INSL6: variants seen among roughly 807,000 people sequenced by gnomAD.
The protein encoded by INSL6 is insulin like 6.
In INSL6, 16 loss-of-function variants were observed where a neutral mutation model predicts 9.4. The observed-to-expected ratio is 1.70, with a 90% CI of 1.15 to 2.59. INSL6 has a LOEUF of 2.59. INSL6 is among the 30% of genes most tolerant of loss of function. The pLI is 0.00. For synonymous variants in INSL6, 154 were observed against 96.9 expected (o/e 1.59, Z -3.46); for missense variants, 391 against 257.3 (o/e 1.52, Z -3.56).
the INSL6 span, among the ~76,000 whole-genome samples, chr9:5,000,257 G>C: frequency 6.6e-6 from 1 of 151,920 alleles, no homozygotes; most frequent in African/African-American, 2.4e-5. Context: ...GTTTAGAAAG[G>C]AGGTACATAA....
intron 3 of INSL6, among the ~76,000 whole-genome samples, chr9:5,129,781 A>G (rs1255447685): frequency 6.6e-6 from 1 of 152,182 alleles, no homozygotes; most frequent in Non-Finnish European, 1.5e-5. Context: ...GAGAGAACTG[A>G]AAAACTACAT....
intron 3 of INSL6, among the ~76,000 whole-genome samples, chr9:5,130,701 CTTTTT>C (rs780200169): frequency 5.6e-4 from 85 of 150,578 alleles, no homozygotes; most frequent in African/African-American, 1.5e-3. Flanking sequence ...TATGAATTTT[CTTTTT>C]TTTATTTTTT....
the INSL6 span, among the ~76,000 whole-genome samples, chr9:5,079,949 C>G: frequency 6.6e-6 from 1 of 152,140 alleles, no homozygotes; most frequent in Non-Finnish European, 1.5e-5. Context: ...GATTCTAATT[C>G]TGTCTCTGCT....
At chr9:5,164,755 G>T (rs1205938603) in intron 1 of INSL6, among the ~76,000 whole-genome samples, 1 of 152,112 alleles carries the variant, frequency 6.6e-6, no homozygotes, top group Non-Finnish European at 1.5e-5. Flanking sequence ...TTTGTGTCTG[G>T]TTTCTTTCAC....
At chr9:5,173,920 G>GA (rs1479816798) in intron 1 of INSL6, among the ~76,000 whole-genome samples, 4 of 152,116 alleles carry the variant, frequency 2.6e-5, no homozygotes, top group African/African-American at 9.7e-5. Flanking sequence ...GGAGAAAATT[G>GA]ATGCAATCTG....
the INSL6 span, among the ~76,000 whole-genome samples, chr9:5,106,764 C>T: frequency 2.0e-5 from 3 of 152,146 alleles, no homozygotes; most frequent in Non-Finnish European, 4.4e-5. Flanking sequence ...ATGGATGAAG[C>T]TGGAAACCAT....
chr9:5,160,349 C>T (rs954651375), downstream of INSL6, among the ~76,000 whole-genome samples: 6 of 152,022 alleles, frequency 3.9e-5, no homozygotes, highest in African/African-American at 1.2e-4. Context: ...CCTGAATGAC[C>T]AGTGGTCAAC....
chr9:5,138,416 G>T (rs750840575), intron 2 of INSL6, among the ~76,000 whole-genome samples: 6 of 152,198 alleles, frequency 3.9e-5, no homozygotes, highest in Admixed American at 6.5e-5. Flanking sequence ...ACAAGGATGA[G>T]TTCACGCCCT....
chr9:5,185,639 TG>T (rs1422165370), upstream of INSL6: 1 of 1,579,246 alleles, frequency 6.3e-7, no homozygotes, highest in Non-Finnish European at 8.6e-7. Context: ...CGTTGTGCAA[TG>T]GCGGTCGGCC....
chr9:5,134,466 G>A (rs1043252372), intron 2 of INSL6, among the ~76,000 whole-genome samples: 2 of 152,184 alleles, frequency 1.3e-5, no homozygotes, highest in African/African-American at 4.8e-5. Flanking sequence ...CCCACAAAGG[G>A]AAGCCCATCA....
the INSL6 span, among the ~76,000 whole-genome samples, chr9:5,007,504 A>G: frequency 6.6e-6 from 1 of 152,050 alleles, no homozygotes; most frequent in East Asian, 1.9e-4. Context: ...ACATTTTTCA[A>G]TGCATACGTG....
chr9:5,159,095 T>A (rs111747817), downstream of INSL6, among the ~76,000 whole-genome samples: 907 of 152,258 alleles, frequency 6.0e-3, 14 homozygotes, highest in African/African-American at 0.021. Context: ...TTATAAGATA[T>A]TATTTGCAAG....
downstream of INSL6, among the ~76,000 whole-genome samples, chr9:5,123,347 C>G (rs1181119240): frequency 1.3e-5 from 2 of 151,934 alleles, no homozygotes; most frequent in African/African-American, 2.4e-5. Context: ...GTCTATCATT[C>G]CACATTCTAC....
chr9:5,054,902 G>T, the INSL6 span: 1 of 1,499,778 alleles, frequency 6.7e-7, no homozygotes, highest in African/African-American at 1.4e-5. The surrounding 1 kb of genome is among the most constrained non-coding windows in gnomAD (Gnocchi z 4.9). Context: ...TTAATGATAT[G>T]TTCTTGTTCT....
rs201095179 is a variant in INSL6, at chr9:5,144,713, T to TTTA, written c.377-11124_377-11122dup. Reference sequence around the variant, plus strand: ...TCCATTTTCTTGTTGAATTGAACCCTTTACCATTATGTAATACCCCTGTCT... The same window carrying TTTA: ...TCCATTTTCTTGTTGAATTGAACCCTTTATTACCATTATGTAATACCCCTGTCT... On this transcript the variant is annotated intron_variant, in intron 2 of 3. Transcript: ENST00000649639. Among the ~76,000 whole-genome samples, 1,075 of 152,358 alleles carry TTTA rather than the reference T, an allele frequency of 7.1e-3. 23 individuals are homozygous for TTTA. The highest frequency in any genetic ancestry group is 0.025 in the African/African-American group (1,028 of 41,586).
intron 2 of INSL6, among the ~76,000 whole-genome samples, chr9:5,158,062 T>C (rs1463289154): frequency 3.3e-5 from 5 of 152,264 alleles, no homozygotes; most frequent in Non-Finnish European, 4.4e-5. Context: ...ATACTGAAGA[T>C]TGCATCAGTC....
chr9:5,162,744 G>C (rs1401425933), downstream of INSL6, among the ~76,000 whole-genome samples: 1 of 152,160 alleles, frequency 6.6e-6, no homozygotes, highest in East Asian at 1.9e-4. Context: ...AAGTATGTAT[G>C]ACACAGATAT....
At chr9:5,127,463 C>T (rs1485524229) in intron 3 of INSL6, 1 of 231,090 alleles carries the variant, frequency 4.3e-6, no homozygotes, top group South Asian at 1.8e-4. Context: ...AGGAAATTTC[C>T]CTGACCCTAA....
At chr9:5,090,674 G>T in the INSL6 span, 1 of 1,536,384 alleles carries the variant, frequency 6.5e-7, no homozygotes, top group Non-Finnish European at 8.8e-7. Flanking sequence ...GAATATATAG[G>T]GTTAAGACCA....
Sources: gnomAD v4.1 joint callset for allele counts (sites outside exome capture counted in the v4.1 genomes callset) on GRCh38, gnomAD v4.1.1 for gene constraint, Gnocchi (gnomAD v3.1) non-coding constraint, MANE v1.5 for transcripts, NCBI Gene and HGNC (gene_info 2026-07-23, HGNC 2026-07-21) for gene names.